The following CYFIP1 variants were observed in gnomAD, a reference collection of about 807,000 sequenced individuals.
CYFIP1 encodes the protein cytoplasmic FMR1 interacting protein 1.
Under a neutral mutation model 163.5 loss-of-function variants are expected in CYFIP1, and 58 were observed. That is an observed-to-expected ratio of 0.35 (90% CI 0.29 to 0.44). The LOEUF (loss-of-function observed/expected upper bound fraction) is 0.44, where lower values mean the gene tolerates loss of function less well. Ranked by LOEUF, CYFIP1 falls within the 20% of genes least tolerant of loss-of-function variation. The pLI, the probability that CYFIP1 is intolerant of heterozygous loss-of-function variation, is 1.00. For synonymous variants in CYFIP1, 663 were observed against 660.7 expected, an observed-to-expected ratio of 1.00 and a Z score of -0.05; for missense variants, 1,338 against 1,653.8, an observed-to-expected ratio of 0.81 and a Z score of 3.31.
chr15:22,930,125 G>A (rs1042618904), intron 11 of CYFIP1, among the ~76,000 whole-genome samples: 2 of 151,732 alleles, frequency 1.3e-5, no homozygotes, highest in East Asian at 1.9e-4. Flanking sequence ...TTGGGAGGCC[G>A]AGACGGGTGG....
intron 13 of CYFIP1, among the ~76,000 whole-genome samples, chr15:22,920,559 C>T (rs1351143176): frequency 6.6e-6 from 1 of 152,078 alleles, no homozygotes; most frequent in Admixed American, 6.6e-5. Flanking sequence ...TTTTCTTTTT[C>T]ATGAAATTTT....
chr15:22,947,844 ACAGAAAGTGCCACACCG>A (rs959233369), intron 1 of CYFIP1: 1 of 681,374 alleles, frequency 1.5e-6, no homozygotes, highest in African/African-American at 2.0e-5. Flanking sequence ...GCCGCAGGGG[ACAGAAAGTGCCACACCG>A]CAGCTGGAGC....
At position 22,914,898 on chromosome 15, in the gene CYFIP1, C is replaced by T. The variant is rs1343631599; in HGVS notation, c.1829-16G>A. 6.3e-7 allele frequency: 1 copy of T among 1,598,352 alleles called. No homozygotes were observed. The highest frequency in any genetic ancestry group is 8.5e-7 in the Non-Finnish European group (1 of 1,173,876). On this transcript the variant is annotated splice_polypyrimidine_tract_variant and intron_variant, in intron 16 of 30. Coordinates refer to ENST00000617928, the MANE Select transcript of CYFIP1 (RefSeq NM_014608.6). ...TGCAGCGTTTCTGGGAGGGTTCAAA[C>T]AACTCCATGTTATCTCCCGCAAGCA...
At position 22,882,865 on chromosome 15, in the gene CYFIP1, C is replaced by G; in HGVS notation, c.2820+3G>C. On this transcript the variant is annotated splice_donor_region_variant and intron_variant, in intron 24 of 30. Transcript: ENST00000617928. Reference sequence around the variant, plus strand: ...GAAAGAAGCATGTCCAGGGAACACTCACCAGGCTCTTGACGACCTTCAGCA... The same window carrying G: ...GAAAGAAGCATGTCCAGGGAACACTGACCAGGCTCTTGACGACCTTCAGCA... 6.2e-7 allele frequency: 1 copy of G among 1,612,776 alleles called. No individual in the cohort carries two copies. Among genetic ancestry groups the G allele is most frequent in the Non-Finnish European group, 8.5e-7 (1 of 1,178,952 alleles).
intron 16 of CYFIP1, 21 bp from the exon 17 acceptor site, chr15:22,914,903 C>T (rs145473735): frequency 2.5e-6 from 4 of 1,591,498 alleles, no homozygotes; most frequent in East Asian, 4.5e-5. Flanking sequence ...TCAAACAACT[C>T]CATGTTATCT....
intron 21 of CYFIP1, among the ~76,000 whole-genome samples, chr15:22,908,277 G>A (rs1174253543): frequency 6.6e-6 from 1 of 152,084 alleles, no homozygotes; most frequent in Non-Finnish European, 1.5e-5. Flanking sequence ...TGAAGGAAGC[G>A]GCTTGCCTCT....
intron 9 of CYFIP1, among the ~76,000 whole-genome samples, chr15:22,936,216 T>C (rs532943429): frequency 6.6e-6 from 1 of 152,182 alleles, no homozygotes; most frequent in South Asian, 2.1e-4. Context: ...CCAGCCTGGA[T>C]GACAGAGCGA....
At chr15:22,936,101 G>C (rs1355446105) in intron 9 of CYFIP1, among the ~76,000 whole-genome samples, 1 of 152,030 alleles carries the variant, frequency 6.6e-6, no homozygotes, top group Non-Finnish European at 1.5e-5. Flanking sequence ...GGGAGATCTC[G>C]TTGCTACTAA....
chr15:22,926,306 A>G (rs913233653), intron 12 of CYFIP1, among the ~76,000 whole-genome samples, 199 bp from the exon 13 acceptor site: 1 of 152,176 alleles, frequency 6.6e-6, no homozygotes, highest in African/African-American at 2.4e-5. Context: ...CTCGTTTAAA[A>G]AATCTACCCG....
intron 1 of CYFIP1, among the ~76,000 whole-genome samples, chr15:22,949,327 G>A (rs1456016047): frequency 3.6e-5 from 5 of 140,116 alleles, no homozygotes; most frequent in Non-Finnish European, 7.8e-5. Context: ...AGCCTAAAGC[G>A]GGGAGGTGCC....
At chr15:22,906,497 G>A (rs1270936710) in intron 21 of CYFIP1, among the ~76,000 whole-genome samples, 21 of 124,760 alleles carry the variant, frequency 1.7e-4, no homozygotes, top group African/African-American at 9.5e-5. Context: ...ACGGAGTCTC[G>A]CTCTGTTGCC....
At chr15:22,957,464 A>G (rs895179810) in intron 1 of CYFIP1, among the ~76,000 whole-genome samples, 13 of 152,108 alleles carry the variant, frequency 8.5e-5, no homozygotes, top group Admixed American at 2.6e-4. Context: ...GTGAAACCCC[A>G]CCTCTACTAA....
intron 22 of CYFIP1, among the ~76,000 whole-genome samples, chr15:22,899,044 C>T (rs1307877975): frequency 6.6e-6 from 1 of 151,904 alleles, no homozygotes; most frequent in Non-Finnish European, 1.5e-5. Context: ...CCTTATGTTG[C>T]CTAGGCTGGT....
chr15:22,887,272 G>C (rs921026970), intron 23 of CYFIP1, among the ~76,000 whole-genome samples: 3 of 152,164 alleles, frequency 2.0e-5, no homozygotes, highest in African/African-American at 7.2e-5. Context: ...ACAGTGACGA[G>C]ATTAGACAAC....
intron 22 of CYFIP1, among the ~76,000 whole-genome samples, chr15:22,894,351 G>A (rs2060167129): frequency 7.9e-6 from 1 of 126,372 alleles, no homozygotes; most frequent in Non-Finnish European, 1.6e-5. Context: ...GTGCTGTGGT[G>A]TGATCTTGGC....
chr15:22,965,783 C>T (rs1312569137), intron 1 of CYFIP1, among the ~76,000 whole-genome samples: 1 of 152,168 alleles, frequency 6.6e-6, no homozygotes, highest in Non-Finnish European at 1.5e-5. Context: ...TCCCGCTGCC[C>T]TGGTGTCCCC....
Position 22,928,023 on chromosome 15 carries a change from G to A in CYFIP1, c.1116C>T (p.Val372=). The A allele has an allele frequency of 3.2e-6, 5 of 1,560,052 alleles. No homozygotes were observed. Among genetic ancestry groups the A allele is most frequent in the Non-Finnish European group, 4.3e-6 (5 of 1,157,528 alleles). Reference sequence around the variant, plus strand: ...GGGCCTCCTGGCGGCCCGAGCCCGTGACCACCTGCACAAGGCGGGCACGGC... The same window carrying A: ...GGGCCTCCTGGCGGCCCGAGCCCGTAACCACCTGCACAAGGCGGGCACGGC... ...ELARYSNSEV[V]TGSGRQEAQK... Residue 372 remains valine, a synonymous_variant, in exon 12 of 31, where the codon GTC becomes GTT. Transcript: ENST00000617928.
intron 27 of CYFIP1, 128 bp downstream of exon 27, chr15:22,875,071 C>T: frequency 1.3e-6 from 1 of 789,990 alleles, no homozygotes; most frequent in Non-Finnish European, 2.2e-6. Context: ...TCCTCATTAC[C>T]CCTGGGTATG....
At chr15:22,903,663 T>C (rs1248859147) in intron 22 of CYFIP1, 43 bp downstream of exon 22, 2 of 1,605,864 alleles carry the variant, frequency 1.2e-6, no homozygotes, top group Non-Finnish European at 1.7e-6. Context: ...CATGGGTCCC[T>C]GAGCGCCTCG....
Sources: gnomAD v4.1 joint callset for allele counts (sites outside exome capture counted in the v4.1 genomes callset) on GRCh38, gnomAD v4.1.1 for gene constraint, MANE v1.5 for transcripts, NCBI Gene and HGNC (gene_info 2026-07-23, HGNC 2026-07-21) for gene names.